Variants in KCNT2 observed in about 807,000 individuals in gnomAD.
The protein encoded by KCNT2 is potassium sodium-activated channel subfamily T member 2, also known as potassium channel subfamily T member 2.
A neutral mutation model predicts 153.8 loss-of-function variants in KCNT2; 67 were observed. The ratio of observed to expected loss-of-function variants is 0.44; its 90% CI spans 0.36 to 0.53. KCNT2 has a LOEUF of 0.53. Among genes scored for constraint, KCNT2 ranks in the 20% least tolerant of loss-of-function variants. The pLI is 0.00. For missense variants in KCNT2, 975 were observed against 1,354.8 expected, an observed-to-expected ratio of 0.72 and a Z score of 4.40; for synonymous variants, 500 against 458.8, an observed-to-expected ratio of 1.09 and a Z score of -1.15.
At chr1:196,452,239 C>T (rs373132174) in intron 8 of KCNT2, among the ~76,000 whole-genome samples, 3 of 152,122 alleles carry the variant, frequency 2.0e-5, no homozygotes, top group East Asian at 3.9e-4. Context: ...CAGCTACTAT[C>T]ACATTACCAC....
At chr1:196,347,098 A>T (rs1345042065) in intron 14 of KCNT2, among the ~76,000 whole-genome samples, 2 of 152,108 alleles carry the variant, frequency 1.3e-5, no homozygotes, top group African/African-American at 4.8e-5. Context: ...TTGTTCAGGA[A>T]CGTCAGTTCT....
At chr1:196,439,388 T>G (rs1675020392) in intron 8 of KCNT2, among the ~76,000 whole-genome samples, 1 of 151,858 alleles carries the variant, frequency 6.6e-6, no homozygotes, top group African/African-American at 2.4e-5. Context: ...CAACAGAAAA[T>G]ACAGAAATTT....
intron 22 of KCNT2, among the ~76,000 whole-genome samples, chr1:196,289,117 A>G (rs1476880406): frequency 6.6e-6 from 1 of 152,066 alleles, no homozygotes; most frequent in African/African-American, 2.4e-5. Flanking sequence ...TTGTTTGAAT[A>G]TGCTAAATTA....
intron 1 of KCNT2, among the ~76,000 whole-genome samples, chr1:196,552,107 C>A (rs928180566): frequency 3.3e-5 from 5 of 151,232 alleles, no homozygotes; most frequent in African/African-American, 1.2e-4. Context: ...TAGTTACCTA[C>A]AAAATTCCAA....
intron 25 of KCNT2, among the ~76,000 whole-genome samples, chr1:196,275,709 T>C (rs1658503059): frequency 6.6e-6 from 1 of 151,988 alleles, no homozygotes; most frequent in Admixed American, 6.6e-5. Flanking sequence ...AGTATTTTTT[T>C]TTCCATGAAT....
chr1:196,475,211 A>G (rs1252785656), intron 5 of KCNT2, among the ~76,000 whole-genome samples: 2 of 152,248 alleles, frequency 1.3e-5, no homozygotes, highest in Admixed American at 1.3e-4. Flanking sequence ...TTTGCTATTA[A>G]TATTACTATT....
chr1:196,546,458 T>A (rs1251383181), intron 1 of KCNT2, among the ~76,000 whole-genome samples: 3 of 152,060 alleles, frequency 2.0e-5, no homozygotes, highest in African/African-American at 7.2e-5. Flanking sequence ...ACATTTATAT[T>A]ATCAACAGAT....
intron 1 of KCNT2, among the ~76,000 whole-genome samples, chr1:196,552,276 A>C (rs945484133): frequency 1.3e-4 from 19 of 151,478 alleles, no homozygotes; most frequent in African/African-American, 4.6e-4. Flanking sequence ...CCATACCTAC[A>C]TTATTTTTGT....
intron 18 of KCNT2, among the ~76,000 whole-genome samples, chr1:196,328,648 C>T (rs866337398): frequency 6.8e-6 from 1 of 147,708 alleles, no homozygotes; most frequent in African/African-American, 2.5e-5. Context: ...AAAAAAAAAA[C>T]CAGAAAACTA....
intron 4 of KCNT2, among the ~76,000 whole-genome samples, chr1:196,480,079 T>G (rs1197130365): frequency 6.6e-6 from 1 of 152,188 alleles, no homozygotes; most frequent in Non-Finnish European, 1.5e-5. Flanking sequence ...ATCTCTAGTG[T>G]TAACTACCAA....
chr1:196,417,244 T>C (rs1672829901), intron 12 of KCNT2, among the ~76,000 whole-genome samples: 2 of 152,138 alleles, frequency 1.3e-5, no homozygotes, highest in African/African-American at 4.8e-5. Flanking sequence ...CCCATGTTTA[T>C]ACTGACATCT....
intron 1 of KCNT2, among the ~76,000 whole-genome samples, chr1:196,522,031 T>C (rs1369316435): frequency 2.0e-5 from 3 of 152,188 alleles, no homozygotes; most frequent in African/African-American, 7.2e-5. Flanking sequence ...ATTAATTAAT[T>C]AAATTCCAGT....
At chr1:196,338,034 A>G (rs983287535) in intron 16 of KCNT2, among the ~76,000 whole-genome samples, 1 of 152,082 alleles carries the variant, frequency 6.6e-6, no homozygotes. Context: ...TAGGCACACA[A>G]TAAGTACTTT....
intron 12 of KCNT2, among the ~76,000 whole-genome samples, chr1:196,421,572 A>T (rs536193389): frequency 1.8e-3 from 267 of 152,172 alleles, no homozygotes; most frequent in Middle Eastern, 3.4e-3. Context: ...GAACTGATGA[A>T]TCAGTCTGAT....
intron 16 of KCNT2, among the ~76,000 whole-genome samples, chr1:196,338,640 C>T (rs189875906): frequency 8.0e-4 from 122 of 151,812 alleles, no homozygotes; most frequent in Admixed American, 1.7e-3. Flanking sequence ...GGAAATGATG[C>T]TATCAAAATT....
At chr1:196,600,547 T>C (rs1035232743) in intron 1 of KCNT2, among the ~76,000 whole-genome samples, 2 of 152,200 alleles carry the variant, frequency 1.3e-5, no homozygotes, top group African/African-American at 2.4e-5. Flanking sequence ...TGTAGTTTGG[T>C]TGACGAAGTA....
chr1:196,357,208 T>A (rs2148250588), intron 14 of KCNT2, among the ~76,000 whole-genome samples: 1 of 152,064 alleles, frequency 6.6e-6, no homozygotes, highest in East Asian at 1.9e-4. Flanking sequence ...TGAGCAGTGA[T>A]TACATTATTA....
At chr1:196,306,874 A>C (rs1437697497) in intron 21 of KCNT2, among the ~76,000 whole-genome samples, 1 of 152,016 alleles carries the variant, frequency 6.6e-6, no homozygotes, top group African/African-American at 2.4e-5. Context: ...ATCTTTTAAT[A>C]AAATTCACAA....
In KCNT2 at chr1:196,423,082, T is replaced by A; in HGVS notation, c.1153A>T (p.Ser385Cys). ...GTCCTATCCACTTCACAACGGCTAC[T>A]GAGAATAAAACAGGCCTCAGCGTCA... ...MDDAEACFIL[S>C]SRCEVDRTSS... The change falls in exon 12 of 28, where the codon AGT (serine) becomes TGT (cysteine). Residue 385 changes from serine (S) to cysteine (C), a missense_variant. Coordinates refer to ENST00000294725, the MANE Select transcript of KCNT2 (RefSeq NM_198503.5). The A allele has an allele frequency of 6.2e-7, 1 of 1,605,380 alleles. No homozygotes were observed. The highest frequency in any genetic ancestry group is 8.5e-7 in the Non-Finnish European group (1 of 1,174,796).
Sources: allele counts gnomAD v4.1 joint callset (sites outside exome capture counted in the v4.1 genomes callset), GRCh38; gene constraint gnomAD v4.1.1; transcripts MANE v1.5; gene names NCBI Gene and HGNC (gene_info 2026-07-23, HGNC 2026-07-21).